The following PPA2 variants were observed in gnomAD, a reference collection of about 807,000 sequenced individuals.
The protein encoded by PPA2 is inorganic pyrophosphatase 2.
Under a neutral mutation model 49.5 loss-of-function variants are expected in PPA2, and 48 were observed. That is an observed-to-expected ratio of 0.97 (90% CI 0.77 to 1.23). PPA2 has a LOEUF of 1.23. Among genes scored for constraint, PPA2 ranks in the 50% most tolerant of loss-of-function variants. The pLI is 0.00. For synonymous variants in PPA2, 131 were observed against 139.9 expected (o/e 0.94, Z 0.45); for missense variants, 429 against 410.1 (o/e 1.05, Z -0.40).
chr4:105,439,961 T>C (rs1724270231), intron 5 of PPA2, among the ~76,000 whole-genome samples: 2 of 151,678 alleles, frequency 1.3e-5, no homozygotes, highest in Non-Finnish European at 2.9e-5. Context: ...TGAGATAGTT[T>C]GCTGAGAATG....
chr4:105,370,683 T>C (rs1159334710), intron 11 of PPA2, 154 bp downstream of exon 11: 12 of 921,386 alleles, frequency 1.3e-5, no homozygotes, highest in Non-Finnish European at 1.6e-5. Flanking sequence ...AAATATTTCA[T>C]CTGAAATTTT....
At chr4:105,402,435 G>A (rs73838087) in intron 7 of PPA2, among the ~76,000 whole-genome samples, 1,904 of 152,308 alleles carry the variant, frequency 0.013, 45 homozygotes, top group African/African-American at 0.041. Flanking sequence ...TGGATGAACT[G>A]TAGGAGCAAC....
At chr4:105,435,131 C>A (rs772221947) in intron 6 of PPA2, among the ~76,000 whole-genome samples, 6 of 152,120 alleles carry the variant, frequency 3.9e-5, no homozygotes, top group Non-Finnish European at 8.8e-5. Flanking sequence ...ATTAACAATG[C>A]GGTGTTAAAA....
intron 5 of PPA2, among the ~76,000 whole-genome samples, chr4:105,439,082 T>A (rs560787372): frequency 1.1e-4 from 17 of 152,034 alleles, no homozygotes; most frequent in African/African-American, 4.1e-4. Flanking sequence ...TAAGAAAATA[T>A]AAGAATAACC....
chr4:105,373,911 G>A (rs1174369568), intron 10 of PPA2, among the ~76,000 whole-genome samples: 1 of 151,824 alleles, frequency 6.6e-6, no homozygotes, highest in African/African-American at 2.4e-5. Flanking sequence ...CAGTAATAAT[G>A]GATTCATGAT....
intron 9 of PPA2, among the ~76,000 whole-genome samples, chr4:105,387,140 A>G (rs1265942052): frequency 6.6e-6 from 1 of 152,192 alleles, no homozygotes; most frequent in African/African-American, 2.4e-5. Context: ...AGCCAGGCAT[A>G]GGAATAGCAG....
chr4:105,392,672 C>CA lies in PPA2; in HGVS notation c.869+3576dup, dbSNP rs1175617131. 4.7e-3 allele frequency among the ~76,000 whole-genome samples: 457 copies of CA among 97,598 alleles called. 5 individuals carry two copies. Among genetic ancestry groups the CA allele is most frequent in the South Asian group, 0.016 (48 of 3,066 alleles). The allele number at this position is 97,598 out of a possible 152,430, so 64.0% of individuals were successfully genotyped here. On this transcript the variant is annotated intron_variant, in intron 9 of 11. Transcript: ENST00000341695. Reference sequence around the variant, plus strand: ...TGGGTGACAGAGTGAGACTCTGTTTCAAAAAAAAAAAAAAGAAAATGGTTG... The same window carrying CA: ...TGGGTGACAGAGTGAGACTCTGTTTCAAAAAAAAAAAAAAAGAAAATGGTTG...
In PPA2 at chr4:105,396,465, A is replaced by G. The variant is rs181574279; in HGVS notation, c.784-131T>C. The stretch of plus-strand genomic sequence containing the variant: ...GCTCCAGAGTCAGGCAAAGCTTGGT[A>G]TAAATTCTGGCTTCCTTATTTGTCA... On this transcript the variant is annotated intron_variant, in intron 8 of 11. Transcript: ENST00000341695. 56 of 586,854 alleles carry G rather than the reference A, an allele frequency of 9.5e-5. No individual in the cohort carries two copies. The African/African-American group carries it at 1.0e-3, about 11-fold the overall frequency. 36.4% of individuals were successfully genotyped at this position (586,854 alleles called of 1,614,324 possible). A position where few individuals can be genotyped will look rare whatever the true frequency, so the allele number is the denominator to read the frequency against.
intron 10 of PPA2, among the ~76,000 whole-genome samples, chr4:105,386,171 A>G (rs1733673476): frequency 6.6e-6 from 1 of 152,222 alleles, no homozygotes; most frequent in East Asian, 1.9e-4. Context: ...AGGAGCTCCC[A>G]TGCTGGGCCA....
Position 105,399,145 on chromosome 4 carries a change from C to T in PPA2, c.675G>A (p.Lys225=), listed in dbSNP as rs1490656607. The T allele has an allele frequency of 7.5e-6, 12 of 1,602,082 alleles. No homozygotes were observed. Among genetic ancestry groups the T allele is most frequent in the Non-Finnish European group, 8.5e-6 (10 of 1,176,520 alleles). Residue 225 remains lysine (K), a synonymous_variant, in exon 8 of 12, where the codon AAG becomes AAA. Coordinates refer to ENST00000341695, the MANE Select transcript of PPA2 (RefSeq NM_176869.3). ...SKFHDIDDVK[K]FKPGYLEATL... is the part of the protein sequence containing the mutation. ...TAGCTTCCAGGTAACCCGGTTTGAA[C>T]TTCTTAACATCATCAATATCTGTAA...
intron 6 of PPA2, among the ~76,000 whole-genome samples, chr4:105,427,151 C>T (rs1351158715): frequency 6.6e-6 from 1 of 152,122 alleles, no homozygotes; most frequent in Non-Finnish European, 1.5e-5. Flanking sequence ...GGAATAGCAC[C>T]AACATCAACA....
intron 5 of PPA2, among the ~76,000 whole-genome samples, chr4:105,443,325 T>C (rs1007437177): frequency 6.6e-6 from 1 of 151,010 alleles, no homozygotes; most frequent in Non-Finnish European, 1.5e-5. Flanking sequence ...AGAGTGCCAG[T>C]GTGGAAGTGA....
chr4:105,396,364 C>T (rs370411175), intron 8 of PPA2, 30 bp from the exon 9 acceptor site: 18 of 1,435,404 alleles, frequency 1.3e-5, no homozygotes, highest in Middle Eastern at 3.6e-4. Flanking sequence ...TAAAAAAAGA[C>T]GTATTTAATA....
chr4:105,450,104 T>G (rs1202340307), intron 3 of PPA2, among the ~76,000 whole-genome samples: 1 of 152,082 alleles, frequency 6.6e-6, no homozygotes, highest in African/African-American at 2.4e-5. Context: ...AGGTCAATGA[T>G]GAGTAAAAAT....
chr4:105,388,787 T>C (rs1440511486), intron 9 of PPA2, among the ~76,000 whole-genome samples: 1 of 136,400 alleles, frequency 7.3e-6, no homozygotes, highest in Non-Finnish European at 1.5e-5. Flanking sequence ...ATGGCGCCAC[T>C]GCACTCCAGC....
chr4:105,420,540 CTAAG>C (rs1723205775), intron 7 of PPA2, among the ~76,000 whole-genome samples: 1 of 152,186 alleles, frequency 6.6e-6, no homozygotes, highest in African/African-American at 2.4e-5. Flanking sequence ...CTGCCCTCTC[CTAAG>C]TGTTTTTAAA....
chr4:105,431,314 T>C (rs1344014490), intron 6 of PPA2, among the ~76,000 whole-genome samples: 1 of 152,218 alleles, frequency 6.6e-6, no homozygotes, highest in Non-Finnish European at 1.5e-5. Flanking sequence ...TTTAAATGCA[T>C]TATTTTATTG....
intron 6 of PPA2, among the ~76,000 whole-genome samples, chr4:105,425,172 G>C (rs146210160): frequency 6.6e-6 from 1 of 152,068 alleles, no homozygotes; most frequent in Non-Finnish European, 1.5e-5. Flanking sequence ...CCAGGCACTC[G>C]ACATAACACA....
chr4:105,444,939 G>T (rs988403125), intron 5 of PPA2, among the ~76,000 whole-genome samples: 5 of 152,068 alleles, frequency 3.3e-5, no homozygotes, highest in African/African-American at 1.2e-4. Context: ...GATATTTTAT[G>T]TTCTCCATTT....
Sources: gnomAD v4.1 joint callset for allele counts (sites outside exome capture counted in the v4.1 genomes callset) on GRCh38, gnomAD v4.1.1 for gene constraint, MANE v1.5 for transcripts, NCBI Gene and HGNC (gene_info 2026-07-23, HGNC 2026-07-21) for gene names.